The following SYNPR variants were observed in gnomAD, a reference collection of about 807,000 sequenced individuals.
SYNPR encodes synaptoporin.
A neutral mutation model predicts 32.9 loss-of-function variants in SYNPR; 23 were observed. The observed-to-expected ratio is 0.70, with a 90% confidence interval of 0.50 to 0.99. The LOEUF (loss-of-function observed/expected upper bound fraction) is 0.99. SYNPR is among the 50% of genes least tolerant of loss of function. The pLI is 0.00. For missense variants in SYNPR, 318 were observed against 349.3 expected (o/e 0.91, Z 0.71); for synonymous variants, 146 against 135.9 (o/e 1.07, Z -0.52).
intron 4 of SYNPR, among the ~76,000 whole-genome samples, chr3:63,575,270 T>C (rs1486373424): frequency 1.3e-5 from 2 of 152,130 alleles, no homozygotes; most frequent in Admixed American, 6.5e-5. Context: ...TTCCAGGCCC[T>C]CGTTTCATAC....
At chr3:63,609,667 GA>G (rs1193474466) in intron 5 of SYNPR, among the ~76,000 whole-genome samples, 2 of 152,150 alleles carry the variant, frequency 1.3e-5, no homozygotes, top group African/African-American at 4.8e-5. Flanking sequence ...AGCAATTTAG[GA>G]GGCCAAGGTG....
chr3:63,289,115 T>C (rs1449771693), intron 2 of SYNPR, among the ~76,000 whole-genome samples: 1 of 151,484 alleles, frequency 6.6e-6, no homozygotes, highest in Non-Finnish European at 1.5e-5. Context: ...CAAGATTCTC[T>C]AACTGTAACT....
chr3:63,263,927 G>C (rs564468760), intron 2 of SYNPR, among the ~76,000 whole-genome samples: 1 of 152,116 alleles, frequency 6.6e-6, no homozygotes, highest in Non-Finnish European at 1.5e-5. Context: ...TTTTGGGGCC[G>C]TGTTTCAAAA....
chr3:63,573,266 T>C (rs1449321559), intron 4 of SYNPR, among the ~76,000 whole-genome samples: 3 of 152,108 alleles, frequency 2.0e-5, no homozygotes, highest in African/African-American at 7.2e-5. Flanking sequence ...CAGAACATCA[T>C]AGTGGACAAC....
intron 2 of SYNPR, among the ~76,000 whole-genome samples, chr3:63,360,829 A>G (rs1285870616): frequency 6.6e-6 from 1 of 152,084 alleles, no homozygotes; most frequent in Admixed American, 6.6e-5. Context: ...TCTTTTCACC[A>G]TATTTTCTAA....
chr3:63,223,810 T>C (rs1398608790), upstream of SYNPR, among the ~76,000 whole-genome samples: 1 of 152,208 alleles, frequency 6.6e-6, no homozygotes, highest in Non-Finnish European at 1.5e-5. Context: ...TATTGTGGTG[T>C]TTTGTGTATA....
intron 3 of SYNPR, among the ~76,000 whole-genome samples, chr3:63,526,234 C>T (rs1702010221): frequency 6.6e-6 from 1 of 152,206 alleles, no homozygotes; most frequent in African/African-American, 2.4e-5. Context: ...TCAAAGGAGA[C>T]TTTCCTTGGT....
chr3:63,467,743 T>C (rs115943129), intron 2 of SYNPR, among the ~76,000 whole-genome samples: 2,019 of 152,290 alleles, frequency 0.013, 42 homozygotes, highest in African/African-American at 0.046. Context: ...ATTTTGAAAA[T>C]TTTTCAATAT....
chr3:63,343,797 A>G (rs1168537649), intron 2 of SYNPR, among the ~76,000 whole-genome samples: 1 of 152,226 alleles, frequency 6.6e-6, no homozygotes, highest in East Asian at 1.9e-4. Context: ...GATTATTCAA[A>G]GTGCTGAGAG....
chr3:63,513,255 T>TAACA (rs1263071904), intron 3 of SYNPR, among the ~76,000 whole-genome samples: 10 of 151,438 alleles, frequency 6.6e-5, no homozygotes, highest in African/African-American at 2.4e-4. Context: ...CTCACTGTGT[T>TAACA]GCCCAGGCTG....
At chr3:63,297,070 T>G (rs1161913493) in intron 2 of SYNPR, among the ~76,000 whole-genome samples, 1 of 152,200 alleles carries the variant, frequency 6.6e-6, no homozygotes, top group African/African-American at 2.4e-5. Flanking sequence ...ACAGCAAAAG[T>G]GTAGAGAATT....
chr3:63,346,511 A>C (rs1200870984), intron 2 of SYNPR, among the ~76,000 whole-genome samples: 1 of 151,934 alleles, frequency 6.6e-6, no homozygotes, highest in Non-Finnish European at 1.5e-5. Flanking sequence ...TTGCTCTGTT[A>C]CTGAGGCTGG....
chr3:63,327,502 A>G (rs1011227915), intron 2 of SYNPR, among the ~76,000 whole-genome samples: 1 of 152,132 alleles, frequency 6.6e-6, no homozygotes, highest in Non-Finnish European at 1.5e-5. Context: ...CCCAAAAGAC[A>G]CAAATAAGTG....
intron 3 of SYNPR, among the ~76,000 whole-genome samples, chr3:63,482,016 ACCAGAGC>A (rs1701058273): frequency 1.4e-5 from 2 of 147,764 alleles, no homozygotes; most frequent in Non-Finnish European, 1.5e-5. Flanking sequence ...ACATTGAACT[ACCAGAGC>A]CCAGGACTCT....
intron 2 of SYNPR, among the ~76,000 whole-genome samples, chr3:63,460,255 C>CCCTTACAT (rs1190990594): frequency 6.6e-6 from 1 of 151,998 alleles, no homozygotes; most frequent in Non-Finnish European, 1.5e-5. Flanking sequence ...CCTGTAATGC[C>CCCTTACAT]CCTTACATCA....
intron 2 of SYNPR, among the ~76,000 whole-genome samples, chr3:63,312,284 A>T (rs1453222902): frequency 6.6e-6 from 1 of 152,020 alleles, no homozygotes; most frequent in African/African-American, 2.4e-5. Context: ...AAGAGTGACC[A>T]TACTTGCAGT....
intron 3 of SYNPR, among the ~76,000 whole-genome samples, chr3:63,537,711 G>T (rs72887373): frequency 0.012 from 1,883 of 152,222 alleles, 43 homozygotes; most frequent in African/African-American, 0.043. Context: ...TTAGAGTTCA[G>T]CCTTAAATAC....
intron 2 of SYNPR, among the ~76,000 whole-genome samples, chr3:63,480,179 A>G (rs1337903811): frequency 6.6e-6 from 1 of 152,218 alleles, no homozygotes; most frequent in African/African-American, 2.4e-5. Context: ...ATTCTACACC[A>G]GGATAGACCA....
chr3:63,292,742 C>T (rs1332372846), intron 2 of SYNPR, among the ~76,000 whole-genome samples: 1 of 152,230 alleles, frequency 6.6e-6, no homozygotes, highest in Non-Finnish European at 1.5e-5. Flanking sequence ...TTGGAAAATT[C>T]ACGAGAGTCT....
Sources: allele counts gnomAD v4.1 joint callset (sites outside exome capture counted in the v4.1 genomes callset), GRCh38; gene constraint gnomAD v4.1.1; transcripts MANE v1.5; gene names NCBI Gene and HGNC (gene_info 2026-07-23, HGNC 2026-07-21).